The following ZCCHC4 variants were observed in gnomAD, a reference collection of about 807,000 sequenced individuals.
ZCCHC4 encodes zinc finger CCHC-type containing 4.
ZCCHC4 carries 54 observed loss-of-function variants against 67.7 expected under a neutral mutation model. The observed-to-expected ratio is 0.80, with a 90% CI of 0.64 to 1.00. The LOEUF is 1.00. Among genes scored for constraint, ZCCHC4 ranks in the 50% least tolerant of loss-of-function variants. The probability of loss-of-function intolerance (pLI) is 0.00; values close to 1 mark genes in which losing one functional copy is unlikely to be tolerated. For synonymous variants in ZCCHC4, 198 were observed against 213.5 expected, an observed-to-expected ratio of 0.93 and a Z score of 0.63; for missense variants, 609 against 617.0, an observed-to-expected ratio of 0.99 and a Z score of 0.14.
rs762351187 is a variant in ZCCHC4, at chr4:25,333,402, G to C, written c.549G>C (p.Leu183Phe). ...YLFADRSCQF[L>F]VDLLSALGFR... is the part of the protein sequence containing the mutation. ...TTGCTGATCGGAGCTGTCAGTTCTT[G>C]GTAGACTTACTTTCTGCCCTCGGAT... The change falls in exon 4 of 13, where the codon TTG becomes TTC. Residue 183 changes from leucine to phenylalanine, a missense_variant. Physicochemically the swap from Leu to Phe is conservative, Grantham distance 22. Transcript: ENST00000302874. The C allele has an allele frequency of 3.1e-6, 5 of 1,614,130 alleles. No individual in the cohort carries two copies. The South Asian group carries it at 5.5e-5, about 18-fold the overall frequency.
intron 8 of ZCCHC4, among the ~76,000 whole-genome samples, chr4:25,356,447 G>A (rs573400931): frequency 1.3e-5 from 2 of 152,174 alleles, no homozygotes; most frequent in South Asian, 2.1e-4. Context: ...CAACAAACCC[G>A]CATTTAAAAA....
intron 3 of ZCCHC4, among the ~76,000 whole-genome samples, chr4:25,322,347 C>T (rs1228833911): frequency 2.6e-5 from 4 of 152,132 alleles, no homozygotes; most frequent in African/African-American, 9.7e-5. Flanking sequence ...TTCCCCACTC[C>T]CCACCCCAGC....
intron 3 of ZCCHC4, among the ~76,000 whole-genome samples, chr4:25,327,590 C>A (rs1244746224): frequency 6.6e-6 from 1 of 152,140 alleles, no homozygotes; most frequent in Non-Finnish European, 1.5e-5. Context: ...AGTGATCCTC[C>A]CACCTCAGCC....
At chr4:25,350,969 A>G (rs1222366372) in intron 7 of ZCCHC4, among the ~76,000 whole-genome samples, 2 of 152,222 alleles carry the variant, frequency 1.3e-5, no homozygotes, top group Middle Eastern at 3.2e-3. Context: ...ATTATAGCTT[A>G]GTGTAAGCAC....
intron 6 of ZCCHC4, among the ~76,000 whole-genome samples, chr4:25,348,067 T>C (rs549875666): frequency 6.6e-6 from 1 of 152,332 alleles, no homozygotes; most frequent in Admixed American, 6.5e-5. Context: ...ACTTGTATAA[T>C]TTCTTTTTTC....
At chr4:25,350,076 A>G (rs1408974446) in intron 7 of ZCCHC4, among the ~76,000 whole-genome samples, 1 of 152,056 alleles carries the variant, frequency 6.6e-6, no homozygotes, top group African/African-American at 2.4e-5. Flanking sequence ...AGGGCACTCA[A>G]CCTGAGGTCC....
At chr4:25,317,584 G>A (rs761090572) in intron 3 of ZCCHC4, among the ~76,000 whole-genome samples, 1 of 151,060 alleles carries the variant, frequency 6.6e-6, no homozygotes, top group Non-Finnish European at 1.5e-5. Context: ...TAGTGGCAGC[G>A]CCTATAATCC....
chr4:25,341,273 T>C (rs143767926), intron 5 of ZCCHC4, among the ~76,000 whole-genome samples: 32 of 152,338 alleles, frequency 2.1e-4, no homozygotes, highest in African/African-American at 7.5e-4. Context: ...GGAGTTGATA[T>C]CTCATGTTGA....
intron 5 of ZCCHC4, among the ~76,000 whole-genome samples, chr4:25,341,154 T>C (rs1292128262): frequency 6.6e-6 from 1 of 152,162 alleles, no homozygotes; most frequent in African/African-American, 2.4e-5. Context: ...ATAGTAAAAA[T>C]GCTGTATATA....
chr4:25,343,890 AT>A (rs952089870), intron 5 of ZCCHC4, among the ~76,000 whole-genome samples: 6 of 152,064 alleles, frequency 3.9e-5, no homozygotes, highest in Non-Finnish European at 7.4e-5. Context: ...TGTGTCTCAG[AT>A]TTTTTTTCAG....
At chr4:25,315,712 GT>G (rs3067788) in intron 3 of ZCCHC4, among the ~76,000 whole-genome samples, 18,946 of 131,744 alleles carry the variant, frequency 0.14, 1,738 homozygotes, top group African/African-American at 0.32. Context: ...ATTTTTGTGT[GT>G]TTTTTTTTTT....
intron 12 of ZCCHC4, chr4:25,366,133 T>C: frequency 1.0e-6 from 1 of 981,990 alleles, no homozygotes; most frequent in Non-Finnish European, 1.2e-6. Context: ...TTCCCATGTG[T>C]TTTATTTATT....
intron 5 of ZCCHC4, among the ~76,000 whole-genome samples, chr4:25,337,301 A>G (rs74730414): frequency 0.038 from 5,812 of 152,278 alleles, 156 homozygotes; most frequent in Non-Finnish European, 0.059. Context: ...GCCTCACACA[A>G]TGTTGCTAGG....
chr4:25,329,274 C>T lies in ZCCHC4; in HGVS notation c.330-3909C>T, dbSNP rs112992622. On this transcript the variant is annotated intron_variant, in intron 3 of 12. Coordinates refer to ENST00000302874, the MANE Select transcript of ZCCHC4 (RefSeq NM_024936.3). The stretch of plus-strand genomic sequence containing the variant: ...CTTGTACTGTGGTTCTCTGAGCTTC[C>T]TGGATCTTTTGATGTAATTTTGAAA... 6.8e-3 allele frequency among the ~76,000 whole-genome samples: 1,029 copies of T among 152,182 alleles called. 10 individuals carry two copies. Among genetic ancestry groups the T allele is most frequent in the African/African-American group, 0.023 (966 of 41,522 alleles).
At chr4:25,333,873 T>C (rs767142773) in intron 4 of ZCCHC4, 35 bp from the exon 5 acceptor site, 5 of 1,416,640 alleles carry the variant, frequency 3.5e-6, no homozygotes, top group Non-Finnish European at 2.9e-6. Flanking sequence ...ACATTTGTAA[T>C]ATCTTATTAC....
intron 7 of ZCCHC4, 84 bp downstream of exon 7, chr4:25,349,726 C>A: frequency 7.1e-7 from 1 of 1,417,042 alleles, no homozygotes; most frequent in Non-Finnish European, 9.7e-7. Flanking sequence ...TGAATCAGAG[C>A]AGTGATAGAA....
chr4:25,368,805 A>G (rs1256450576), intron 12 of ZCCHC4, among the ~76,000 whole-genome samples: 1 of 152,108 alleles, frequency 6.6e-6, no homozygotes, highest in Non-Finnish European at 1.5e-5. Flanking sequence ...ATCCATAGTA[A>G]CCATCTTTTA....
chr4:25,314,365 T>C (rs931986718), intron 2 of ZCCHC4, among the ~76,000 whole-genome samples: 1 of 152,192 alleles, frequency 6.6e-6, no homozygotes, highest in Non-Finnish European at 1.5e-5. Context: ...TGTCTCAAAG[T>C]CTTATTTCCC....
At chr4:25,334,720 G>A (rs1719365116) in intron 5 of ZCCHC4, among the ~76,000 whole-genome samples, 2 of 152,194 alleles carry the variant, frequency 1.3e-5, no homozygotes, top group South Asian at 2.1e-4. Context: ...AGGAGTTCAT[G>A]TAGAATTTAT....
Sources: allele counts gnomAD v4.1 joint callset (sites outside exome capture counted in the v4.1 genomes callset), GRCh38; gene constraint gnomAD v4.1.1; transcripts MANE v1.5; gene names NCBI Gene and HGNC (gene_info 2026-07-23, HGNC 2026-07-21).